TACC2: variants seen among roughly 807,000 people sequenced by gnomAD.
The protein encoded by TACC2 is transforming acidic coiled-coil-containing protein 2.
In TACC2, 137 loss-of-function variants were observed where a neutral mutation model predicts 227.3. The ratio of observed to expected loss-of-function variants is 0.60; its 90% CI spans 0.52 to 0.69. TACC2 has a LOEUF of 0.69. Among genes scored for constraint, TACC2 ranks in the 30% least tolerant of loss-of-function variants. The probability of loss-of-function intolerance (pLI) is 0.00; values close to 1 mark genes in which losing one functional copy is unlikely to be tolerated. For synonymous variants in TACC2, 1,523 were observed against 1,487.5 expected (o/e 1.02, Z -0.55); for missense variants, 3,470 against 3,694.4 (o/e 0.94, Z 1.57).
At chr10:122,091,502 TG>T (rs1285159792) in intron 5 of TACC2, among the ~76,000 whole-genome samples, 2 of 152,104 alleles carry the variant, frequency 1.3e-5, no homozygotes, top group African/African-American at 4.8e-5. Flanking sequence ...TTGAAGGAAA[TG>T]GGGTCATAAA....
intron 7 of TACC2, among the ~76,000 whole-genome samples, chr10:122,175,730 T>C (rs914078778): frequency 2.5e-4 from 38 of 152,182 alleles, no homozygotes. Flanking sequence ...ACCAGGGAAA[T>C]ATCTTCTCAC....
At chr10:122,222,809 C>T in intron 11 of TACC2, among the ~76,000 whole-genome samples, 1 of 152,196 alleles carries the variant, frequency 6.6e-6, no homozygotes, top group Middle Eastern at 3.2e-3. Flanking sequence ...CTGTGCTGTA[C>T]TGGAGTGTGC....
intron 19 of TACC2, among the ~76,000 whole-genome samples, chr10:122,245,720 CA>C (rs970245388): frequency 1.3e-5 from 2 of 152,136 alleles, no homozygotes; most frequent in Non-Finnish European, 2.9e-5. Context: ...TTATTATGGA[CA>C]ATGAGGCTCT....
chr10:122,095,282 G>A (rs182046679), intron 5 of TACC2, among the ~76,000 whole-genome samples: 1 of 152,340 alleles, frequency 6.6e-6, no homozygotes, highest in East Asian at 1.9e-4. Context: ...GACAAGCACA[G>A]GCCTCAAGAG....
Position 122,210,218 on chromosome 10 carries a change from T to G in TACC2, c.5972-179T>G. 1.5e-4 allele frequency: 94 copies of G among 624,492 alleles called. No homozygotes were observed. Among genetic ancestry groups the G allele is most frequent in the Middle Eastern group, 2.6e-4 (1 of 3,818 alleles). 38.7% of individuals were successfully genotyped at this position (624,492 alleles called of 1,614,324 possible). A position where few individuals can be genotyped will look rare whatever the true frequency, so the allele number is the denominator to read the frequency against. On this transcript the variant is annotated intron_variant, in intron 8 of 22. Transcript: ENST00000369005. The surrounding 1 kb of genome is among the most constrained non-coding windows in gnomAD (Gnocchi z 4.6). ...CTCTGGGCGAACCTGGCCTGGGTCT[T>G]GAGCTAATTACGGGTAGGTCAGGTT...
Position 122,086,873 on chromosome 10 carries a change from TG to T in TACC2, c.4375del (p.Asp1459MetfsTer45). The T allele has an allele frequency of 6.2e-7, 1 of 1,613,200 alleles. No homozygotes were observed. The highest frequency in any genetic ancestry group is 8.5e-7 in the Non-Finnish European group (1 of 1,179,822). ...PEKLLDGPPG[V>X]DVTLLPAPPA... ...AAGCTTCTAGATGGGCCTCCAGGAG[TG>T]GATGTCACCCTTCTCCCTGCACCTC... On this transcript the variant is annotated frameshift_variant, in exon 4 of 23. Coordinates refer to ENST00000369005, the MANE Select transcript of TACC2 (RefSeq NM_206862.4). LOFTEE classifies it high-confidence loss of function.
intron 3 of TACC2, among the ~76,000 whole-genome samples, chr10:122,063,016 A>G (rs1361173027): frequency 6.6e-6 from 1 of 152,160 alleles, no homozygotes; most frequent in Non-Finnish European, 1.5e-5. Context: ...CGGGGACTAG[A>G]ACCGAGGCTG....
intron 7 of TACC2, among the ~76,000 whole-genome samples, chr10:122,192,994 G>A (rs1188993312): frequency 1.3e-5 from 2 of 152,170 alleles, no homozygotes; most frequent in Admixed American, 6.5e-5. Flanking sequence ...AGATGCTTCA[G>A]GTACCTCGAT....
intron 19 of TACC2, chr10:122,245,173 A>C (rs1038718293): frequency 6.6e-6 from 1 of 152,146 alleles, no homozygotes; most frequent in Non-Finnish European, 1.5e-5. Context: ...GTATTGCTGC[A>C]TTCCCCCCAC....
intron 8 of TACC2, among the ~76,000 whole-genome samples, chr10:122,206,518 C>T (rs778141636): frequency 2.8e-4 from 43 of 152,348 alleles, no homozygotes; most frequent in Non-Finnish European, 5.6e-4. Context: ...AGGCCATCTG[C>T]AAACCAAGGA....
intron 7 of TACC2, among the ~76,000 whole-genome samples, chr10:122,154,530 C>T (rs967938681): frequency 6.6e-6 from 1 of 152,242 alleles, no homozygotes; most frequent in African/African-American, 2.4e-5. Context: ...CCAGCTCTCT[C>T]TCACAACGAT....
In TACC2 at chr10:122,086,176, G is replaced by A; in HGVS notation, c.3676G>A (p.Gly1226Arg). The A allele has an allele frequency of 6.2e-7, 1 of 1,613,800 alleles. No individual in the cohort carries two copies. Among genetic ancestry groups the A allele is most frequent in the Non-Finnish European group, 8.5e-7 (1 of 1,180,018 alleles). ...AGACCCAAAGGAGCTCCTGCTGTCT[G>A]GGCCACCAGAAGTGGCTGCTCCTGA... Reference protein sequence around the residue: ...VPDPKELLLSGPPEVAAPDTP... With the variant: ...VPDPKELLLSRPPEVAAPDTP... Residue 1226 changes from glycine (G) to arginine (R), a missense_variant, in exon 4 of 23, where the codon GGG (glycine) becomes AGG (arginine). By Grantham distance (125) the Gly-to-Arg change is moderately radical. This residue lies in a region of TACC2 where 1,924 missense variants were observed against 1,978.3 expected (regional missense o/e 0.97). Transcript: ENST00000369005.
At chr10:122,196,796 C>T (rs11200465) in intron 8 of TACC2, among the ~76,000 whole-genome samples, 3,125 of 151,916 alleles carry the variant, frequency 0.021, 100 homozygotes, top group African/African-American at 0.072. Flanking sequence ...ATTAGCTGGG[C>T]GTGGTGGCGG....
intron 8 of TACC2, among the ~76,000 whole-genome samples, chr10:122,198,712 A>G (rs2094668289): frequency 6.6e-6 from 1 of 152,204 alleles, no homozygotes. Flanking sequence ...CCCACTTCCA[A>G]GCCCGGCTCC....
At chr10:122,134,264 T>C (rs1193912048) in intron 6 of TACC2, among the ~76,000 whole-genome samples, 1 of 151,612 alleles carries the variant, frequency 6.6e-6, no homozygotes, top group Non-Finnish European at 1.5e-5. Context: ...CTCCGCTTCC[T>C]GGGTTCAAGC....
chr10:122,185,649 T>C (rs1288989980), intron 7 of TACC2, among the ~76,000 whole-genome samples: 1 of 152,184 alleles, frequency 6.6e-6, no homozygotes, highest in Admixed American at 6.5e-5. Flanking sequence ...GGTGGAGCTT[T>C]TTATTGAGTA....
At chr10:121,992,940 G>A (rs1413027031) in intron 1 of TACC2, among the ~76,000 whole-genome samples, 1 of 151,030 alleles carries the variant, frequency 6.6e-6, no homozygotes, top group Non-Finnish European at 1.5e-5. Context: ...GGGCAACAGA[G>A]TGAGACTGTC....
At chr10:122,000,920 T>TCAAGCGATTC (rs1954232889) in intron 1 of TACC2, among the ~76,000 whole-genome samples, 1 of 152,232 alleles carries the variant, frequency 6.6e-6, no homozygotes, top group Non-Finnish European at 1.5e-5. Flanking sequence ...CCTCCTGGGC[T>TCAAGCGATTC]CAAGCGATTC....
intron 1 of TACC2, among the ~76,000 whole-genome samples, chr10:122,008,666 G>A (rs1481876051): frequency 4.6e-5 from 7 of 151,046 alleles, no homozygotes; most frequent in Non-Finnish European, 4.4e-5. Flanking sequence ...TCTGCCTCCC[G>A]GGTTCATGCG....
Sources: gnomAD v4.1 joint callset for allele counts (sites outside exome capture counted in the v4.1 genomes callset) on GRCh38, gnomAD v4.1.1 for gene constraint, gnomAD v4.1.1 regional missense constraint, Gnocchi (gnomAD v3.1) non-coding constraint, MANE v1.5 for transcripts, NCBI Gene and HGNC (gene_info 2026-07-23, HGNC 2026-07-21) for gene names.